The following SPATA3 variants were observed in gnomAD, a reference collection of about 807,000 sequenced individuals.
The protein encoded by SPATA3 is spermatogenesis-associated protein 3.
A neutral mutation model predicts 5.7 loss-of-function variants in SPATA3; 6 were observed. That is an observed-to-expected ratio of 1.06 (90% CI 0.58 to 2.09). The LOEUF (loss-of-function observed/expected upper bound fraction) is 2.09. Ranked by LOEUF, SPATA3 falls within the 30% of genes most tolerant of loss-of-function variation. SPATA3 has a pLI of 0.00. For missense variants in SPATA3, 155 were observed against 130.4 expected (o/e 1.19, Z -0.92); for synonymous variants, 44 against 48.4 (o/e 0.91, Z 0.37).
intron 6 of SPATA3, among the ~76,000 whole-genome samples, chr2:231,019,222 G>GC (rs1289491639): frequency 6.7e-6 from 1 of 150,148 alleles, no homozygotes; most frequent in Non-Finnish European, 1.5e-5. Context: ...GCCCACCTTG[G>GC]CCTCCCAAAG....
intron 1 of SPATA3, 138 bp from the exon 2 acceptor site, chr2:231,000,228 G>A: frequency 1.3e-6 from 1 of 778,148 alleles, no homozygotes; most frequent in African/African-American, 1.8e-5. Flanking sequence ...TGATGCCTTG[G>A]AAAAAATCCA....
chr2:231,018,219 C>A (rs1384184075), intron 6 of SPATA3, among the ~76,000 whole-genome samples: 1 of 152,126 alleles, frequency 6.6e-6, no homozygotes. Context: ...GCCACCGCAC[C>A]CATCATGACG....
downstream of SPATA3, chr2:231,002,937 G>T: frequency 2.1e-6 from 1 of 469,518 alleles, no homozygotes. Flanking sequence ...TGGCCTCAGG[G>T]TCAGCCGGCA....
chr2:231,010,987 C>A (rs558661396), downstream of SPATA3, among the ~76,000 whole-genome samples: 1 of 142,362 alleles, frequency 7.0e-6, no homozygotes, highest in Non-Finnish European at 1.5e-5. Flanking sequence ...GTGGGAGGGT[C>A]ACTTGAGCCT....
At chr2:230,997,716 C>T (rs887292142) in intron 1 of SPATA3, among the ~76,000 whole-genome samples, 3 of 152,122 alleles carry the variant, frequency 2.0e-5, no homozygotes, top group Non-Finnish European at 4.4e-5. Context: ...TTCTTGGGAG[C>T]CAAACAGTGT....
At chr2:231,009,679 G>A (rs1400291834), downstream of SPATA3, among the ~76,000 whole-genome samples, 1 of 152,210 alleles carries the variant, frequency 6.6e-6, no homozygotes, top group Non-Finnish European at 1.5e-5. Context: ...ACGACCACAT[G>A]CCGGAGTCCC....
At chr2:231,016,852 C>T (rs1692950851) in intron 6 of SPATA3, among the ~76,000 whole-genome samples, 1 of 152,160 alleles carries the variant, frequency 6.6e-6, no homozygotes, top group Admixed American at 6.5e-5. Flanking sequence ...GCTGAGATAA[C>T]CCAGGAAAAC....
intron 6 of SPATA3, among the ~76,000 whole-genome samples, chr2:231,017,636 G>T (rs561444534): frequency 6.6e-6 from 1 of 152,160 alleles, no homozygotes; most frequent in Admixed American, 6.5e-5. Context: ...CAGAATATCC[G>T]AATGAAAATT....
At chr2:231,005,376 C>CAT (rs1692560679), downstream of SPATA3, among the ~76,000 whole-genome samples, 1 of 72,558 alleles carries the variant, frequency 1.4e-5, no homozygotes. Context: ...ATCATCACCA[C>CAT]CATCACCACC....
intron 6 of SPATA3, among the ~76,000 whole-genome samples, chr2:231,018,330 G>A (rs1017817513): frequency 1.3e-5 from 2 of 152,090 alleles, no homozygotes; most frequent in Admixed American, 6.5e-5. Flanking sequence ...GCAGGCTGTT[G>A]CTTGTGAGCC....
At chr2:231,009,630 T>C (rs1177017705), downstream of SPATA3, among the ~76,000 whole-genome samples, 1 of 152,172 alleles carries the variant, frequency 6.6e-6, no homozygotes, top group African/African-American at 2.4e-5. Flanking sequence ...TCGTGGGCCA[T>C]AGGGATCCCT....
At chr2:231,002,575 G>T in intron 2 of SPATA3, 109 bp from the exon 3 acceptor site, 1 of 572,070 alleles carries the variant, frequency 1.7e-6, no homozygotes. Flanking sequence ...GGGGGAAGAT[G>T]GGTATTCCTG....
Position 231,001,139 on chromosome 2 carries a change from C to T in SPATA3, c.962+602C>T, listed in dbSNP as rs114004876. On this transcript the variant is annotated intron_variant, in intron 2 of 2. Transcript: ENST00000645363. ...CTGTTGGTGGCGGCCCCCATGACAT[C>T]ACCCATAGTATCTGTCCTTCCTTCC... Among the ~76,000 whole-genome samples, 258 of 152,292 alleles carry T rather than the reference C, an allele frequency of 1.7e-3. 1 individual carries two copies. The highest frequency in any genetic ancestry group is 2.8e-3 in the Non-Finnish European group (191 of 68,034).
At chr2:231,000,405 C>A in exon 2 of SPATA3, 3 of 1,538,560 alleles carry the variant, frequency 1.9e-6, no homozygotes, top group Non-Finnish European at 2.6e-6. Flanking sequence ...TGCTCCTGTG[C>A]CACTTGCCCC....
At chr2:231,019,107 C>T (rs1304672290) in intron 6 of SPATA3, among the ~76,000 whole-genome samples, 1 of 147,140 alleles carries the variant, frequency 6.8e-6, no homozygotes, top group Admixed American at 6.8e-5. Context: ...GCTGCGACTA[C>T]AGGCGCCCGC....
At chr2:231,014,886 G>T (rs182884474) in intron 6 of SPATA3, among the ~76,000 whole-genome samples, 1 of 152,300 alleles carries the variant, frequency 6.6e-6, no homozygotes, top group Non-Finnish European at 1.5e-5. Flanking sequence ...TTGTAGGTCG[G>T]GTGTTAAGGT....
chr2:231,002,719 C>G (rs376293973), exon 3 of SPATA3: 2 of 1,531,810 alleles, frequency 1.3e-6, no homozygotes, highest in East Asian at 2.6e-5. Context: ...CATCGTAACG[C>G]GTGTCCTCCA....
At chr2:231,013,952 A>G (rs1692859991) in exon 6 of SPATA3, 1 of 150,756 alleles carries the variant, frequency 6.6e-6, no homozygotes, top group South Asian at 2.1e-4. Flanking sequence ...GGTCTAGGCT[A>G]TAGGCTGGCC....
At chr2:230,996,620 T>C (rs1574653218) in intron 1 of SPATA3, 86 bp downstream of exon 1, 1 of 1,458,498 alleles carries the variant, frequency 6.9e-7, no homozygotes, top group East Asian at 2.5e-5. Flanking sequence ...TGTAGGATAG[T>C]GATGCATGGT....
Sources: gnomAD v4.1 joint callset for allele counts (sites outside exome capture counted in the v4.1 genomes callset) on GRCh38, gnomAD v4.1.1 for gene constraint, MANE v1.5 for transcripts, NCBI Gene and HGNC (gene_info 2026-07-23, HGNC 2026-07-21) for gene names.